The following RNMT variants were observed in gnomAD, a reference collection of about 807,000 sequenced individuals.
The protein encoded by RNMT is RNA guanine-7 methyltransferase.
A neutral mutation model predicts 56.0 loss-of-function variants in RNMT; 27 were observed. The ratio of observed to expected loss-of-function variants is 0.48; its 90% CI spans 0.36 to 0.67. RNMT has a LOEUF of 0.67. RNMT is among the 30% of genes least tolerant of loss of function. RNMT has a pLI of 0.00. For synonymous variants in RNMT, 184 were observed against 176.2 expected, an observed-to-expected ratio of 1.04 and a Z score of -0.35; for missense variants, 519 against 552.1, an observed-to-expected ratio of 0.94 and a Z score of 0.60.
In RNMT at chr18:13,742,468, T is replaced by G; in HGVS notation, c.975-20T>G. The G allele has an allele frequency of 1.2e-6, 2 of 1,608,152 alleles. No homozygotes were observed. Among genetic ancestry groups the G allele is most frequent in the Non-Finnish European group, 1.7e-6 (2 of 1,177,398 alleles). On this transcript the variant is annotated intron_variant, in intron 7 of 11. Transcript: ENST00000383314. ...CACAATTTTAATCTTTTTATTTTGG[T>G]TGGGGGATAACCTTGATAGAAGACG...
chr18:13,734,722 G>T, intron 4 of RNMT, 123 bp downstream of exon 4: 2 of 790,054 alleles, frequency 2.5e-6, no homozygotes, highest in Non-Finnish European at 3.9e-6. Context: ...ATTTACTTTT[G>T]GTTGACTGTG....
rs957167470 is a variant in RNMT, at chr18:13,762,641, G to T, written c.*2662G>T. 3.0e-5 allele frequency: 6 copies of T among 197,768 alleles called. No individual in the cohort carries two copies. Among genetic ancestry groups the T allele is most frequent in the African/African-American group, 1.4e-4 (6 of 42,566 alleles). The allele number at this position is 197,768 out of a possible 1,614,324, so 12.3% of individuals were successfully genotyped here. On this transcript the variant is annotated 3_prime_UTR_variant, in exon 12 of 12. Coordinates refer to ENST00000383314, the MANE Select transcript of RNMT (RefSeq NM_003799.3). ...CCATCCACACTTGGAAATTGAGGGAGCATGACCGCTCTCTGACTTCACATG... is the reference window on the plus strand; with the variant it reads ...CCATCCACACTTGGAAATTGAGGGATCATGACCGCTCTCTGACTTCACATG...
chr18:13,742,845 A>G (rs1568505366), intron 8 of RNMT, 193 bp downstream of exon 8: 5 of 435,196 alleles, frequency 1.1e-5, no homozygotes, highest in East Asian at 8.4e-5. Flanking sequence ...GATTATTGCC[A>G]TAGGTCTCAT....
rs1598432741 is a variant in RNMT at position 13,761,587 on chromosome 18, C to T, written c.*1608C>T. 1.0e-6 allele frequency: 1 copy of T among 992,724 alleles called. No homozygotes were observed. The highest frequency in any genetic ancestry group is 1.2e-6 in the Non-Finnish European group (1 of 834,098). 61.5% of individuals were successfully genotyped at this position (992,724 alleles called of 1,614,324 possible). ...TGGGTAACTTGGGGGAGAGAAGAAT[C>T]CTCCAAACGATGGAGTAGCCAGTGG... On this transcript the variant is annotated 3_prime_UTR_variant, in exon 12 of 12. Coordinates refer to ENST00000383314, the MANE Select transcript of RNMT (RefSeq NM_003799.3).
intron 10 of RNMT, among the ~76,000 whole-genome samples, chr18:13,753,203 T>A (rs1426935615): frequency 3.3e-5 from 5 of 152,224 alleles, no homozygotes; most frequent in Admixed American, 2.6e-4. Context: ...GTACAGTGGC[T>A]CACGCCTGTA....
intron 1 of RNMT, among the ~76,000 whole-genome samples, chr18:13,728,301 T>C (rs2043999744): frequency 2.9e-5 from 1 of 34,578 alleles, no homozygotes; most frequent in South Asian, 8.6e-4. Flanking sequence ...CATCAGCATC[T>C]TTTTTTTTTT....
intron 3 of RNMT, among the ~76,000 whole-genome samples, chr18:13,734,203 C>T (rs1242126101): frequency 6.6e-6 from 1 of 152,168 alleles, no homozygotes; most frequent in East Asian, 1.9e-4. Flanking sequence ...ACTGTGAGTC[C>T]ATTGAACCTC....
chr18:13,745,855 C>CT (rs1202646476), intron 8 of RNMT, among the ~76,000 whole-genome samples: 1 of 151,936 alleles, frequency 6.6e-6, no homozygotes, highest in Non-Finnish European at 1.5e-5. Flanking sequence ...GAAAGTGAAT[C>CT]TTTAAGAAGG....
chr18:13,740,332 A>G, intron 6 of RNMT, 53 bp downstream of exon 6: 1 of 989,246 alleles, frequency 1.0e-6, no homozygotes, highest in Non-Finnish European at 1.5e-6. Context: ...GTTTGGGTAA[A>G]TAATTTGTTT....
At chr18:13,739,860 T>G (rs2044223828) in intron 5 of RNMT, among the ~76,000 whole-genome samples, 1 of 152,188 alleles carries the variant, frequency 6.6e-6, no homozygotes, top group South Asian at 2.1e-4. Flanking sequence ...AAACTGGGCT[T>G]ATTGATAGTG....
chr18:13,760,860 T>C lies in RNMT; in HGVS notation c.*881T>C. The C allele has an allele frequency of 1.0e-6, 1 of 985,454 alleles. No individual in the cohort carries two copies. 61.0% of individuals were successfully genotyped at this position (985,454 alleles called of 1,614,324 possible). Reference sequence around the variant, plus strand: ...ACCCACTTCAGAAATAAGCAATACTTGTTCCTCTGTTACAACCTCAGCACT... The same window carrying C: ...ACCCACTTCAGAAATAAGCAATACTCGTTCCTCTGTTACAACCTCAGCACT... On this transcript the variant is annotated 3_prime_UTR_variant, in exon 12 of 12. Coordinates refer to ENST00000383314, the MANE Select transcript of RNMT (RefSeq NM_003799.3).
chr18:13,731,968 G>C, intron 3 of RNMT, 34 bp downstream of exon 3: 1 of 1,507,928 alleles, frequency 6.6e-7, no homozygotes, highest in Non-Finnish European at 8.9e-7. Context: ...ATTCATAATA[G>C]AATATGTAAG....
At position 13,742,638 on chromosome 18, in the gene RNMT, T is replaced by G. The variant is rs1483342232; in HGVS notation, c.1125T>G (p.Phe375Leu). The G allele has an allele frequency of 1.2e-6, 2 of 1,612,796 alleles. No individual in the cohort carries two copies. Among genetic ancestry groups the G allele is most frequent in the Non-Finnish European group, 1.7e-6 (2 of 1,179,382 alleles). Reference sequence around the variant, plus strand: ...ATGTTCCTGAATTCTTGGTCTATTTTCCATTGCTAAATGAGTAAGAAGTCA... The same window carrying G: ...ATGTTCCTGAATTCTTGGTCTATTTGCCATTGCTAAATGAGTAAGAAGTCA... ...VVDVPEFLVY[F>L]PLLNEMAKKY... is the part of the protein sequence containing the mutation. Residue 375 changes from phenylalanine (F) to leucine (L), a missense_variant, in exon 8 of 12, where the codon TTT becomes TTG. Transcript: ENST00000383314.
intron 9 of RNMT, among the ~76,000 whole-genome samples, chr18:13,747,028 G>A (rs2044363363): frequency 6.6e-6 from 1 of 152,086 alleles, no homozygotes; most frequent in Non-Finnish European, 1.5e-5. Flanking sequence ...ACAATGTTTG[G>A]TTGGACAGAC....
intron 9 of RNMT, among the ~76,000 whole-genome samples, chr18:13,752,000 TAGG>T (rs913562718): frequency 3.3e-5 from 5 of 152,016 alleles, no homozygotes; most frequent in African/African-American, 9.7e-5. Context: ...GGTATAGCAT[TAGG>T]AGAAATACCT....
intron 11 of RNMT, among the ~76,000 whole-genome samples, chr18:13,759,351 A>G (rs2044591908): frequency 6.6e-6 from 1 of 152,170 alleles, no homozygotes; most frequent in Non-Finnish European, 1.5e-5. Flanking sequence ...CTTTGAGTCA[A>G]AGCAGGAAAC....
Position 13,737,060 on chromosome 18 carries a change from T to C in RNMT, c.604T>C (p.Leu202=), listed in dbSNP as rs1170493178. Residue 202 remains leucine (L), a synonymous_variant, in exon 5 of 12, where the codon TTG becomes CTG. Coordinates refer to ENST00000383314, the MANE Select transcript of RNMT (RefSeq NM_003799.3). The part of the protein sequence containing the change: ...RQKKKRDITV[L]DLGCGKGGDL... ...GAAGAAAAAACGTGATATCACTGTT[T>C]TGGACCTGGGATGTGGTAAAGGTGG... 3 of 1,613,618 alleles carry C rather than the reference T, an allele frequency of 1.9e-6. No individual in the cohort carries two copies. The highest frequency in any genetic ancestry group is 2.5e-6 in the Non-Finnish European group (3 of 1,179,694).
chr18:13,742,532 T>C lies in RNMT; in HGVS notation c.1019T>C (p.Ile340Thr), dbSNP rs1240341017. The change falls in exon 8 of 12, where the codon ATA becomes ACA. Residue 340 changes from isoleucine (I) to threonine (T), a missense_variant. By Grantham distance (89) the Ile-to-Thr change is moderately conservative. Transcript: ENST00000383314. ...GAAACAGAATCATTTGGAAATGAAA[T>C]ATATACTGTGAAATTTCAGAAGAAA... is the stretch of plus-strand genomic sequence containing the variant. ...ASETESFGNE[I>T]YTVKFQKKGD... 1 of 1,613,368 alleles carries C rather than the reference T, an allele frequency of 6.2e-7. No individual in the cohort carries two copies.
At chr18:13,729,104 T>C (rs1046806223) in intron 1 of RNMT, among the ~76,000 whole-genome samples, 2 of 152,240 alleles carry the variant, frequency 1.3e-5, no homozygotes, top group African/African-American at 4.8e-5. Context: ...TTCATACTTT[T>C]GGGTATTAAA....
Sources: allele counts gnomAD v4.1 joint callset (sites outside exome capture counted in the v4.1 genomes callset), GRCh38; gene constraint gnomAD v4.1.1; transcripts MANE v1.5; gene names NCBI Gene and HGNC (gene_info 2026-07-23, HGNC 2026-07-21).